Variants in ARHGEF7 observed in about 807,000 individuals in gnomAD.
The protein encoded by ARHGEF7 is Rho guanine nucleotide exchange factor 7.
ARHGEF7 carries 33 observed loss-of-function variants against 109.8 expected under a neutral mutation model. That is an observed-to-expected ratio of 0.30 (90% CI 0.23 to 0.40). ARHGEF7 has a LOEUF of 0.40. Ranked by LOEUF, ARHGEF7 falls within the 10% of genes least tolerant of loss-of-function variation. The pLI is 1.00. For synonymous variants in ARHGEF7, 458 were observed against 424.6 expected (o/e 1.08, Z -0.97); for missense variants, 938 against 1,098.5 (o/e 0.85, Z 2.07).
chr13:111,210,041 A>G lies in ARHGEF7; in HGVS notation c.468+39A>G, dbSNP rs202014730. 6.8e-5 allele frequency: 110 copies of G among 1,613,492 alleles called. No individual in the cohort carries two copies. In the East Asian group the frequency reaches 1.4e-3, roughly 20 times the overall value. On this transcript the variant is annotated intron_variant, in intron 4 of 21. Transcript: ENST00000646102. ...ATTTTGTTACTTAAATATGTTTGGG[A>G]AGGATATGAGTGTGTATGGATATAT...
rs2087356645 is a variant in ARHGEF7, at chr13:111,239,293, A to G, written c.760-4579A>G. Among the ~76,000 whole-genome samples the G allele has an allele frequency of 6.6e-6, 1 of 152,232 alleles. No homozygotes were observed. Among genetic ancestry groups the G allele is most frequent in the South Asian group, 2.1e-4 (1 of 4,832 alleles). On this transcript the variant is annotated intron_variant, in intron 6 of 21. Coordinates refer to ENST00000646102, the MANE Select transcript of ARHGEF7 (RefSeq NM_001354046.2). This position sits in a 1 kb window ranked among gnomAD's most constrained non-coding sequence, Gnocchi z 4.3. ...TATAATACTGTGAATATAATGTAAT[A>G]GGTAGCATCACTCTTTCTAATCTGT...
intron 8 of ARHGEF7, among the ~76,000 whole-genome samples, chr13:111,246,812 T>G (rs905417378): frequency 2.6e-5 from 4 of 152,250 alleles, no homozygotes; most frequent in African/African-American, 9.6e-5. Flanking sequence ...TCTCATTGGC[T>G]GTAGATAATG....
chr13:111,174,807 TCCTTGCA>T (rs2077967443), intron 2 of ARHGEF7, among the ~76,000 whole-genome samples: 1 of 151,862 alleles, frequency 6.6e-6, no homozygotes, highest in South Asian at 2.1e-4. Context: ...CACCGGGAGG[TCCTTGCA>T]GCTCCTAGGA....
In ARHGEF7 at chr13:111,181,602, G is replaced by A. The variant is rs1006768915; in HGVS notation, c.253-23687G>A. The stretch of plus-strand genomic sequence containing the variant: ...AGGTGCTGTTCATCAGTTTGCACTC[G>A]GTTCTGAGGAAGTGTCTTGAGCTGG... On this transcript the variant is annotated intron_variant, in intron 2 of 21. Coordinates refer to ENST00000646102, the MANE Select transcript of ARHGEF7 (RefSeq NM_001354046.2). 7.2e-5 allele frequency among the ~76,000 whole-genome samples: 11 copies of A among 152,280 alleles called. No individual in the cohort carries two copies. In the South Asian group the frequency reaches 1.2e-3, roughly 17 times the overall value.
At position 111,277,689 on chromosome 13, in the gene ARHGEF7, A is replaced by G; in HGVS notation, c.1506+16A>G. The G allele has an allele frequency of 6.6e-7, 1 of 1,517,652 alleles. No homozygotes were observed. The highest frequency in any genetic ancestry group is 9.1e-7 in the Non-Finnish European group (1 of 1,098,856). 94.0% of individuals were successfully genotyped at this position (1,517,652 alleles called of 1,614,324 possible). On this transcript the variant is annotated intron_variant, in intron 13 of 21. Coordinates refer to ENST00000646102, the MANE Select transcript of ARHGEF7 (RefSeq NM_001354046.2). ...TATCTATCAGGTAAAACACAATTTA[A>G]ATTTATATTTTATTGTGGATCTGAG... is the stretch of plus-strand genomic sequence containing the variant.
At chr13:111,137,530 C>T (rs900733723) in intron 1 of ARHGEF7, among the ~76,000 whole-genome samples, 3 of 152,340 alleles carry the variant, frequency 2.0e-5, no homozygotes, top group African/African-American at 7.2e-5. Context: ...TAGTTCAAGA[C>T]AGAGCAGACC....
At chr13:111,164,899 C>T (rs931158229) in intron 2 of ARHGEF7, among the ~76,000 whole-genome samples, 6 of 152,180 alleles carry the variant, frequency 3.9e-5, no homozygotes, top group Admixed American at 6.5e-5. Context: ...TAAAAATTGC[C>T]ACAGCTTCCA....
At chr13:111,301,662 G>A (rs947155191) in intron 21 of ARHGEF7, 130 bp downstream of exon 21, 4 of 668,820 alleles carry the variant, frequency 6.0e-6, no homozygotes, top group Non-Finnish European at 1.0e-5. Context: ...GAAGGCCGAG[G>A]TGGACAGATC....
At chr13:111,267,387 C>T (rs1258021803) in intron 8 of ARHGEF7, among the ~76,000 whole-genome samples, 161 bp from the exon 9 acceptor site, 1 of 152,026 alleles carries the variant, frequency 6.6e-6, no homozygotes, top group African/African-American at 2.4e-5. Context: ...CCTTGCTAGA[C>T]TCAAGGCAGC....
chr13:111,220,443 C>T (rs989278240), intron 5 of ARHGEF7, among the ~76,000 whole-genome samples: 35 of 152,184 alleles, frequency 2.3e-4, no homozygotes, highest in African/African-American at 7.2e-4. Flanking sequence ...TGGGGTTTTA[C>T]TTTTCATGTA....
At chr13:111,300,703 A>G (rs910679615) in intron 19 of ARHGEF7, 45 bp from the exon 20 acceptor site, 5 of 1,299,896 alleles carry the variant, frequency 3.8e-6, no homozygotes, top group Admixed American at 2.1e-5. Flanking sequence ...TCATTCTGCC[A>G]TGGTATTCGC....
intron 8 of ARHGEF7, among the ~76,000 whole-genome samples, chr13:111,262,680 G>A (rs1233177111): frequency 6.6e-6 from 1 of 152,144 alleles, no homozygotes; most frequent in Non-Finnish European, 1.5e-5. Context: ...AAACTGCTTA[G>A]CATTTGATTT....
chr13:111,238,976 A>G lies in ARHGEF7; in HGVS notation c.760-4896A>G, dbSNP rs1011793038. ...CGCATGGCTGGGGAGGCTTCAGGAA[A>G]CTTACAGTCATGGCGGAAGGCACCT... On this transcript the variant is annotated intron_variant, in intron 6 of 21. Coordinates refer to ENST00000646102, the MANE Select transcript of ARHGEF7 (RefSeq NM_001354046.2). 2.6e-5 allele frequency among the ~76,000 whole-genome samples: 4 copies of G among 152,312 alleles called. No individual in the cohort carries two copies. In the East Asian group the frequency reaches 7.7e-4, roughly 29 times the overall value.
intron 2 of ARHGEF7, among the ~76,000 whole-genome samples, chr13:111,186,623 C>T (rs1213201350): frequency 6.6e-6 from 1 of 152,188 alleles, no homozygotes; most frequent in Non-Finnish European, 1.5e-5. Flanking sequence ...TACTCTTGTT[C>T]TGAAATCACA....
intron 1 of ARHGEF7, among the ~76,000 whole-genome samples, chr13:111,123,504 C>T (rs892414774): frequency 3.9e-5 from 6 of 152,268 alleles, no homozygotes; most frequent in South Asian, 2.1e-4. Flanking sequence ...CATACATGCC[C>T]GTGCCATTCT....
intron 5 of ARHGEF7, among the ~76,000 whole-genome samples, chr13:111,225,974 A>G (rs1210410178): frequency 6.6e-6 from 1 of 152,282 alleles, no homozygotes; most frequent in African/African-American, 2.4e-5. Context: ...AAGGTGAGAC[A>G]GGCTGAAAGC....
intron 5 of ARHGEF7, among the ~76,000 whole-genome samples, chr13:111,229,493 C>T (rs987906395): frequency 4.6e-5 from 7 of 152,116 alleles, no homozygotes; most frequent in Admixed American, 3.9e-4. Context: ...CTTTTTTATT[C>T]GTCGTGATTG....
At chr13:111,278,994 A>C (rs2153604201) in intron 13 of ARHGEF7, among the ~76,000 whole-genome samples, 1 of 152,320 alleles carries the variant, frequency 6.6e-6, no homozygotes, top group Middle Eastern at 3.4e-3. Flanking sequence ...TCTCTGTATC[A>C]TTGGTATCCG....
chr13:111,295,901 C>T (rs2093416833), intron 19 of ARHGEF7, among the ~76,000 whole-genome samples: 1 of 152,202 alleles, frequency 6.6e-6, no homozygotes, highest in Non-Finnish European at 1.5e-5. Flanking sequence ...TGTCCTGGTT[C>T]ACTGGCCAGA....
Sources: allele counts gnomAD v4.1 joint callset (sites outside exome capture counted in the v4.1 genomes callset), GRCh38; gene constraint gnomAD v4.1.1; non-coding constraint Gnocchi (gnomAD v3.1); transcripts MANE v1.5; gene names NCBI Gene and HGNC (gene_info 2026-07-23, HGNC 2026-07-21).